UNC5D: variants seen among roughly 807,000 people sequenced by gnomAD.
UNC5D encodes netrin receptor UNC5D.
UNC5D carries 39 observed loss-of-function variants against 105.4 expected under a neutral mutation model. The ratio of observed to expected loss-of-function variants is 0.37; its 90% CI spans 0.29 to 0.48. The LOEUF is 0.48. UNC5D is among the 20% of genes least tolerant of loss of function. UNC5D has a pLI of 0.98. For synonymous variants in UNC5D, 452 were observed against 450.4 expected, an observed-to-expected ratio of 1.00 and a Z score of -0.04; for missense variants, 991 against 1,202.4, an observed-to-expected ratio of 0.82 and a Z score of 2.60.
At chr8:35,532,913 C>G (rs1462013019) in intron 1 of UNC5D, among the ~76,000 whole-genome samples, 48 of 120,106 alleles carry the variant, frequency 4.0e-4, no homozygotes, top group East Asian at 2.9e-3. Context: ...CCTTTAAGCA[C>G]TTCTCTGTAT....
intron 1 of UNC5D, among the ~76,000 whole-genome samples, chr8:35,279,862 G>C (rs555712269): frequency 1.3e-5 from 2 of 152,262 alleles, no homozygotes; most frequent in East Asian, 3.9e-4. Context: ...TGAATCTATA[G>C]ACTTGGCCTT....
chr8:35,520,835 A>G (rs1813413761), intron 1 of UNC5D, among the ~76,000 whole-genome samples: 1 of 152,152 alleles, frequency 6.6e-6, no homozygotes, highest in South Asian at 2.1e-4. Flanking sequence ...TCTTAGACTG[A>G]GTGATGGATT....
At chr8:35,725,599 T>G (rs1828816003) in intron 9 of UNC5D, among the ~76,000 whole-genome samples, 1 of 152,100 alleles carries the variant, frequency 6.6e-6, no homozygotes, top group Non-Finnish European at 1.5e-5. Context: ...CTGACCCTTT[T>G]GCTCTGAGGA....
intron 4 of UNC5D, among the ~76,000 whole-genome samples, chr8:35,597,186 C>G (rs1396324046): frequency 6.6e-6 from 1 of 152,066 alleles, no homozygotes; most frequent in Admixed American, 6.6e-5. Context: ...GGACACTATT[C>G]AAAGCTCAAA....
At chr8:35,543,245 AG>A (rs1815395764) in intron 1 of UNC5D, among the ~76,000 whole-genome samples, 1 of 152,096 alleles carries the variant, frequency 6.6e-6, no homozygotes, top group African/African-American at 2.4e-5. Context: ...CATACTTTGG[AG>A]ACAGAAAAGG....
Position 35,554,633 on chromosome 8 carries a change from T to C in UNC5D, c.322+5123T>C, listed in dbSNP as rs74489376. Among the ~76,000 whole-genome samples, 553 of 152,272 alleles carry C rather than the reference T, an allele frequency of 3.6e-3. 3 individuals are homozygous for C. Among genetic ancestry groups the C allele is most frequent in the Non-Finnish European group, 4.8e-3 (326 of 68,028 alleles). The stretch of plus-strand genomic sequence containing the variant: ...AGTAAACAACCACAAACCAAACATA[T>C]CTTGGCAATCAAGATTATGTGGCCT... On this transcript the variant is annotated intron_variant, in intron 2 of 16. Transcript: ENST00000404895.
chr8:35,585,428 C>T (rs377766698), intron 3 of UNC5D, among the ~76,000 whole-genome samples: 1 of 151,796 alleles, frequency 6.6e-6, no homozygotes, highest in Admixed American at 6.6e-5. Context: ...GGCCTTTCTT[C>T]GTTATTGCTG....
chr8:35,323,903 G>C (rs764431285), intron 1 of UNC5D, among the ~76,000 whole-genome samples: 1 of 152,042 alleles, frequency 6.6e-6, no homozygotes, highest in African/African-American at 2.4e-5. Context: ...TCTTAAGAGC[G>C]TGTCCTGTGT....
At chr8:35,770,646 T>C (rs1801969424) in intron 15 of UNC5D, among the ~76,000 whole-genome samples, 1 of 152,314 alleles carries the variant, frequency 6.6e-6, no homozygotes, top group East Asian at 1.9e-4. Flanking sequence ...TAAAACAATT[T>C]TGCAAATATT....
At chr8:35,368,476 A>G (rs1802258561) in intron 1 of UNC5D, among the ~76,000 whole-genome samples, 1 of 152,232 alleles carries the variant, frequency 6.6e-6, no homozygotes, top group Admixed American at 6.5e-5. Flanking sequence ...AAGACATTCT[A>G]TTATATAACC....
At chr8:35,431,704 G>T (rs2128975702) in intron 1 of UNC5D, among the ~76,000 whole-genome samples, 2 of 152,078 alleles carry the variant, frequency 1.3e-5, no homozygotes, top group Non-Finnish European at 2.9e-5. Flanking sequence ...TATGGACAAA[G>T]TACAACAATT....
chr8:35,490,557 C>A (rs532857199), intron 1 of UNC5D, among the ~76,000 whole-genome samples: 3 of 151,964 alleles, frequency 2.0e-5, no homozygotes, highest in African/African-American at 2.4e-5. Context: ...GAATTTCGGG[C>A]CTTCATGGAA....
At position 35,748,538 on chromosome 8, in the gene UNC5D, A is replaced by G. The variant is rs900263808; in HGVS notation, c.1778A>G (p.Asp593Gly). ...INQGEPSLQS[D>G]GSEVLLSPEV... ...TTTCAACTGTGAAGCCTCCAGTCAG[A>G]TGGCTCTGAGGTGCTCCTGAGTCCT... is the stretch of plus-strand genomic sequence containing the variant. Residue 593 changes from aspartate to glycine, a missense_variant, in exon 12 of 17, where the codon GAT becomes GGT. Physicochemically the swap from Asp to Gly is moderately conservative, Grantham distance 94. Around this residue, in one of 3 missense-constraint regions of UNC5D, gnomAD observed 944 missense variants for 1,131.6 expected, o/e 0.83. Transcript: ENST00000404895. 1 of 1,612,518 alleles carries G rather than the reference A, an allele frequency of 6.2e-7. No individual in the cohort carries two copies.
intron 11 of UNC5D, among the ~76,000 whole-genome samples, chr8:35,747,042 T>A (rs746786005): frequency 1.3e-5 from 2 of 152,218 alleles, no homozygotes; most frequent in Non-Finnish European, 2.9e-5. Flanking sequence ...AATGAAGACA[T>A]GATCATCTTA....
chr8:35,306,970 GCACAAATGTATT>G (rs1382440213), intron 1 of UNC5D, among the ~76,000 whole-genome samples: 1 of 152,100 alleles, frequency 6.6e-6, no homozygotes, highest in Non-Finnish European at 1.5e-5. Context: ...AATTTCGTCA[GCACAAATGTATT>G]CACAATTGTG....
At chr8:35,739,014 G>C (rs528923760) in intron 11 of UNC5D, among the ~76,000 whole-genome samples, 7 of 152,182 alleles carry the variant, frequency 4.6e-5, no homozygotes, top group Non-Finnish European at 7.3e-5. Flanking sequence ...GGCATAGAGA[G>C]AATCACTGAG....
At chr8:35,724,311 G>A (rs751806888) in intron 9 of UNC5D, 1 of 1,534,702 alleles carries the variant, frequency 6.5e-7, no homozygotes. Context: ...CACTCTCCCT[G>A]CATTTATTAT....
chr8:35,551,811 C>T lies in UNC5D; in HGVS notation c.322+2301C>T, dbSNP rs188850150. Among the ~76,000 whole-genome samples the T allele has an allele frequency of 1.9e-3, 274 of 142,968 alleles. 1 individual carries two copies. The highest frequency in any genetic ancestry group is 6.6e-3 in the African/African-American group (254 of 38,334). 93.8% of individuals were successfully genotyped at this position (142,968 alleles called of 152,430 possible). ...CCAGCTGGGTGACAGAGCAAGACTC[C>T]GTCTAAAAAAAAAAAGAAAAAAAGG... On this transcript the variant is annotated intron_variant, in intron 2 of 16. Coordinates refer to ENST00000404895, the MANE Select transcript of UNC5D (RefSeq NM_080872.4).
At chr8:35,725,096 T>A (rs542976368) in intron 9 of UNC5D, among the ~76,000 whole-genome samples, 1 of 152,286 alleles carries the variant, frequency 6.6e-6, no homozygotes, top group South Asian at 2.1e-4. Context: ...TGCTGCAAAT[T>A]ATGAAAATGG....
Sources: allele counts gnomAD v4.1 joint callset (sites outside exome capture counted in the v4.1 genomes callset), GRCh38; gene constraint gnomAD v4.1.1; regional missense constraint gnomAD v4.1.1; transcripts MANE v1.5; gene names NCBI Gene and HGNC (gene_info 2026-07-23, HGNC 2026-07-21).